The following ZNF608 variants were observed in gnomAD, a reference collection of about 807,000 sequenced individuals.
ZNF608 encodes the protein zinc finger protein 608.
ZNF608 carries 12 observed loss-of-function variants against 109.0 expected under a neutral mutation model. The observed-to-expected ratio is 0.11, with a 90% CI of 0.07 to 0.18. The LOEUF is 0.18. Among genes scored for constraint, ZNF608 ranks in the 10% least tolerant of loss-of-function variants. The pLI is 1.00. For synonymous variants in ZNF608, 732 were observed against 717.4 expected, an observed-to-expected ratio of 1.02 and a Z score of -0.33; for missense variants, 1,707 against 1,879.3, an observed-to-expected ratio of 0.91 and a Z score of 1.70.
chr5:124,640,149 C>G (rs1330334173), intron 8 of ZNF608, among the ~76,000 whole-genome samples: 3 of 152,120 alleles, frequency 2.0e-5, no homozygotes, highest in African/African-American at 7.2e-5. Flanking sequence ...TATATCACTT[C>G]CCAGTTTTGG....
At chr5:124,707,659 T>C (rs924545721) in intron 2 of ZNF608, among the ~76,000 whole-genome samples, 1 of 152,186 alleles carries the variant, frequency 6.6e-6, no homozygotes, top group Non-Finnish European at 1.5e-5. Context: ...ACTCCACTAC[T>C]ACGTAGGGGA....
chr5:124,725,319 C>T (rs1292095542), intron 2 of ZNF608, among the ~76,000 whole-genome samples: 1 of 152,036 alleles, frequency 6.6e-6, no homozygotes, highest in Non-Finnish European at 1.5e-5. Context: ...ATATAAGCTT[C>T]ATGATAGCAG....
intron 8 of ZNF608, among the ~76,000 whole-genome samples, chr5:124,640,175 T>C (rs571607150): frequency 1.3e-5 from 2 of 152,306 alleles, no homozygotes; most frequent in East Asian, 3.9e-4. Flanking sequence ...CCTTCAAACA[T>C]ATTATCTTAC....
At chr5:124,663,211 G>A (rs1469701001) in intron 3 of ZNF608, among the ~76,000 whole-genome samples, 1 of 152,148 alleles carries the variant, frequency 6.6e-6, no homozygotes, top group Non-Finnish European at 1.5e-5. Context: ...CTAAAGGGGT[G>A]GCAGAATTAT....
intron 3 of ZNF608, among the ~76,000 whole-genome samples, chr5:124,671,394 G>A (rs150045630): frequency 1.3e-3 from 193 of 152,076 alleles, no homozygotes; most frequent in East Asian, 3.9e-3. Flanking sequence ...CACCATATCC[G>A]AAAGGTCATT....
Position 124,647,596 on chromosome 5 carries a change from A to T in ZNF608, c.2788T>A (p.Ser930Thr), listed in dbSNP as rs913657654. The T allele has an allele frequency of 2.5e-6, 4 of 1,614,062 alleles. No homozygotes were observed. The African/African-American group carries it at 5.3e-5, about 22-fold the overall frequency. ...HVLTQNGAES[S>T]AAKTSSPAYS... The stretch of plus-strand genomic sequence containing the variant: ...GCCGGGCTGCTTGTCTTTGCAGCTG[A>T]ACTCTCTGCCCCATTCTGGGTCAAC... The change falls in exon 5 of 10, where the codon TCA becomes ACA. Residue 930 changes from serine (S) to threonine (T), a missense_variant. Ser to Thr is a moderately conservative substitution (Grantham distance 58). Coordinates refer to ENST00000513986, the MANE Select transcript of ZNF608 (RefSeq NM_020747.3).
intron 2 of ZNF608, among the ~76,000 whole-genome samples, chr5:124,712,833 T>G (rs887534679): frequency 2.6e-5 from 4 of 152,178 alleles, no homozygotes; most frequent in African/African-American, 7.2e-5. Flanking sequence ...CTGGAACCTT[T>G]TGTTTCAATT....
chr5:124,736,214 G>A (rs746145125), intron 2 of ZNF608, among the ~76,000 whole-genome samples: 10 of 152,190 alleles, frequency 6.6e-5, no homozygotes, highest in Non-Finnish European at 1.0e-4. Flanking sequence ...ACTAAAGTGC[G>A]GCTGTGCTAG....
intron 3 of ZNF608, among the ~76,000 whole-genome samples, chr5:124,656,508 G>GT (rs1233988271): frequency 6.6e-6 from 1 of 152,062 alleles, no homozygotes; most frequent in East Asian, 1.9e-4. Context: ...TTATGGGAGG[G>GT]TAGTTACGAT....
At chr5:124,708,202 C>T (rs1753339516) in intron 2 of ZNF608, among the ~76,000 whole-genome samples, 1 of 152,170 alleles carries the variant, frequency 6.6e-6, no homozygotes, top group Non-Finnish European at 1.5e-5. Flanking sequence ...ACACATACAA[C>T]ATAGAGGAAT....
chr5:124,737,762 G>A (rs74361157), intron 2 of ZNF608, among the ~76,000 whole-genome samples: 4,703 of 152,228 alleles, frequency 0.031, 197 homozygotes, highest in East Asian at 0.17. Flanking sequence ...ATATGCAAGA[G>A]GTTGCATATC....
In ZNF608 at chr5:124,648,041, C is replaced by G; in HGVS notation, c.2343G>C (p.Lys781Asn). 6.2e-7 allele frequency: 1 copy of G among 1,613,952 alleles called. No homozygotes were observed. Among genetic ancestry groups the G allele is most frequent in the Non-Finnish European group, 8.5e-7 (1 of 1,180,024 alleles). Residue 781 changes from lysine to asparagine, a missense_variant, in exon 5 of 10, where the codon AAG becomes AAC. Coordinates refer to ENST00000513986, the MANE Select transcript of ZNF608 (RefSeq NM_020747.3). The part of the protein sequence containing the change: ...LTTTVVQATP[K>N]SPPLKPIQPK... ...GTTGAATGGGTTTTAACGGAGGACT[C>G]TTTGGTGTAGCCTGAACAACAGTTG...
rs1750670247 is a variant in ZNF608 at position 124,649,047 on chromosome 5, C to G, written c.1337G>C (p.Gly446Ala). The change falls in exon 5 of 10, where the codon GGC (glycine) becomes GCC (alanine). Residue 446 changes from glycine to alanine, a missense_variant. By Grantham distance (60) the Gly-to-Ala change is moderately conservative. This residue lies in a region of ZNF608 where 166 missense variants were observed against 204.2 expected (regional missense o/e 0.81). Transcript: ENST00000513986. ...GGACTCTGTGAAGCTGGCCTCGGAGCCCGGGGCAGCAGCAGCAGACCTCGC... is the reference window on the plus strand; with the variant it reads ...GGACTCTGTGAAGCTGGCCTCGGAGGCCGGGGCAGCAGCAGCAGACCTCGC... ...KRARSAAAAP[G>A]SEASFTESRG... The G allele has an allele frequency of 6.2e-7, 1 of 1,614,028 alleles. No homozygotes were observed.
intron 7 of ZNF608, among the ~76,000 whole-genome samples, chr5:124,643,135 T>C (rs2149783541): frequency 6.6e-6 from 1 of 152,344 alleles, no homozygotes; most frequent in Non-Finnish European, 1.5e-5. Flanking sequence ...GCCTCTGAAC[T>C]ACTTACTTAC....
At chr5:124,717,642 G>A (rs1410016401) in intron 2 of ZNF608, among the ~76,000 whole-genome samples, 1 of 152,124 alleles carries the variant, frequency 6.6e-6, no homozygotes, top group Non-Finnish European at 1.5e-5. Flanking sequence ...GCAAAATAAA[G>A]AGCAATAAAA....
chr5:124,703,528 G>A (rs1279222967), intron 2 of ZNF608, among the ~76,000 whole-genome samples: 2 of 152,142 alleles, frequency 1.3e-5, no homozygotes, highest in African/African-American at 4.8e-5. Context: ...CATTGTGGGA[G>A]CTCCAAGAAG....
intron 2 of ZNF608, among the ~76,000 whole-genome samples, chr5:124,707,265 A>G (rs574658551): frequency 6.6e-6 from 1 of 152,288 alleles, no homozygotes; most frequent in African/African-American, 2.4e-5. Flanking sequence ...AGACCCAACA[A>G]AGAGACATTC....
chr5:124,666,648 A>C lies in ZNF608; in HGVS notation c.1163-16951T>G, dbSNP rs142844373. Among the ~76,000 whole-genome samples the C allele has an allele frequency of 3.5e-3, 526 of 152,038 alleles. 3 individuals carry two copies. The highest frequency in any genetic ancestry group is 0.01 in the Middle Eastern group (3 of 294). On this transcript the variant is annotated intron_variant, in intron 3 of 9. Coordinates refer to ENST00000513986, the MANE Select transcript of ZNF608 (RefSeq NM_020747.3). ...TCCGCTCCCCCAGCCCTGGAAGATTAGTAACTCAATGTGACTACTTTTATC... is the reference window on the plus strand; with the variant it reads ...TCCGCTCCCCCAGCCCTGGAAGATTCGTAACTCAATGTGACTACTTTTATC...
At chr5:124,694,715 TC>T (rs1190163701) in intron 3 of ZNF608, among the ~76,000 whole-genome samples, 1 of 133,080 alleles carries the variant, frequency 7.5e-6, no homozygotes, top group South Asian at 2.9e-4. Flanking sequence ...ATGCTATCCC[TC>T]CCCCCTCCCC....
Sources: gnomAD v4.1 joint callset for allele counts (sites outside exome capture counted in the v4.1 genomes callset) on GRCh38, gnomAD v4.1.1 for gene constraint, gnomAD v4.1.1 regional missense constraint, MANE v1.5 for transcripts, NCBI Gene and HGNC (gene_info 2026-07-23, HGNC 2026-07-21) for gene names.